Variants in PLEKHA5 observed in about 807,000 individuals in gnomAD.
PLEKHA5 encodes the protein pleckstrin homology domain containing A5, also known as pleckstrin homology domain-containing family A member 5.
In PLEKHA5, 55 loss-of-function variants were observed where a neutral mutation model predicts 181.9. The ratio of observed to expected loss-of-function variants is 0.30; its 90% CI spans 0.24 to 0.38. The LOEUF is 0.38. Among genes scored for constraint, PLEKHA5 ranks in the 10% least tolerant of loss-of-function variants. The pLI is 1.00. For synonymous variants in PLEKHA5, 535 were observed against 529.4 expected, an observed-to-expected ratio of 1.01 and a Z score of -0.15; for missense variants, 1,432 against 1,549.5, an observed-to-expected ratio of 0.92 and a Z score of 1.27.
intron 3 of PLEKHA5, among the ~76,000 whole-genome samples, chr12:19,232,702 C>G (rs2060817512): frequency 2.0e-5 from 3 of 152,132 alleles, no homozygotes; most frequent in African/African-American, 7.2e-5. Context: ...TCATTCAACT[C>G]TTCCAGTTAC....
intron 5 of PLEKHA5, 62 bp downstream of exon 5, chr12:19,255,227 C>T (rs1381226682): frequency 3.1e-6 from 3 of 959,836 alleles, no homozygotes; most frequent in Admixed American, 5.5e-5. Flanking sequence ...TACCGTTACT[C>T]ATAATGGACT....
At chr12:19,138,816 G>C (rs1490348282) in intron 3 of PLEKHA5, among the ~76,000 whole-genome samples, 1 of 152,118 alleles carries the variant, frequency 6.6e-6, no homozygotes, top group Non-Finnish European at 1.5e-5. Flanking sequence ...GTTAGTGATG[G>C]TTCTGTAGAA....
intron 3 of PLEKHA5, among the ~76,000 whole-genome samples, chr12:19,241,473 T>C (rs1162391625): frequency 6.6e-6 from 1 of 152,120 alleles, no homozygotes; most frequent in Non-Finnish European, 1.5e-5. Flanking sequence ...ATTGTAAAAA[T>C]AGCTGGGTGT....
chr12:19,258,562 T>TTG (rs1555132389), intron 6 of PLEKHA5, among the ~76,000 whole-genome samples: 141 of 22,706 alleles, frequency 6.2e-3, no homozygotes, highest in Middle Eastern at 0.026. Flanking sequence ...TTTCTTTTTC[T>TTG]TTTTTTTTTT....
At chr12:19,306,554 A>G (rs1234740702) in intron 15 of PLEKHA5, 2 of 761,322 alleles carry the variant, frequency 2.6e-6, no homozygotes, top group Non-Finnish European at 4.9e-6. Context: ...CGTGAGCAAC[A>G]CTACCATCGT....
intron 21 of PLEKHA5, among the ~76,000 whole-genome samples, chr12:19,342,236 T>G (rs1019504576): frequency 6.6e-6 from 1 of 152,214 alleles, no homozygotes; most frequent in Non-Finnish European, 1.5e-5. Context: ...TCCAGAATGG[T>G]GTTATTATTA....
At chr12:19,306,445 T>C in intron 15 of PLEKHA5, 1 of 602,930 alleles carries the variant, frequency 1.7e-6, no homozygotes. Flanking sequence ...GCAGAGGCTG[T>C]AGCATCGGAT....
rs562549757 is a variant in PLEKHA5, at chr12:19,359,956, G to A, written c.3483+410G>A. Among the ~76,000 whole-genome samples, 24 of 151,366 alleles carry A rather than the reference G, an allele frequency of 1.6e-4. No homozygotes were observed. In the South Asian group the frequency reaches 4.8e-3, roughly 30 times the overall value. ...ACTCCAGCCTGGGCGACAGAGGGAG[G>A]GAGACTCCATCTCAAAAAAAAAAAG... On this transcript the variant is annotated intron_variant, in intron 28 of 31. Coordinates refer to ENST00000429027, the MANE Select transcript of PLEKHA5 (RefSeq NM_001256470.2).
intron 27 of PLEKHA5, among the ~76,000 whole-genome samples, chr12:19,358,706 A>G (rs1006949513): frequency 6.6e-6 from 1 of 152,182 alleles, no homozygotes; most frequent in African/African-American, 2.4e-5. Context: ...ACAGCTGCCC[A>G]GACTCCTTAG....
At chr12:19,258,171 A>G (rs2067357432) in intron 6 of PLEKHA5, among the ~76,000 whole-genome samples, 1 of 152,036 alleles carries the variant, frequency 6.6e-6, no homozygotes, top group Non-Finnish European at 1.5e-5. Context: ...TTGGAACCTT[A>G]TTAGTTTTGC....
chr12:19,143,197 C>G (rs370747584), intron 3 of PLEKHA5, among the ~76,000 whole-genome samples: 1 of 152,170 alleles, frequency 6.6e-6, no homozygotes, highest in African/African-American at 2.4e-5. Flanking sequence ...CTTGAGGAAC[C>G]TCCATACTGT....
chr12:19,324,769 T>C, intron 20 of PLEKHA5, among the ~76,000 whole-genome samples: 1 of 152,214 alleles, frequency 6.6e-6, no homozygotes, highest in East Asian at 1.9e-4. Context: ...GAAATAGAAC[T>C]AACAGCCTGA....
At chr12:19,369,265 C>T (rs1256848185) in intron 30 of PLEKHA5, among the ~76,000 whole-genome samples, 1 of 151,728 alleles carries the variant, frequency 6.6e-6, no homozygotes, top group Admixed American at 6.6e-5. Flanking sequence ...GAACTCCTGA[C>T]CTCAAATGAT....
At chr12:19,236,854 G>C (rs1055098441) in intron 3 of PLEKHA5, 8 of 152,150 alleles carry the variant, frequency 5.3e-5, no homozygotes, top group African/African-American at 1.9e-4. Flanking sequence ...CGTCAGTCTG[G>C]TGTCAGACTT....
In PLEKHA5 at chr12:19,322,329, G is replaced by A; in HGVS notation, c.2237G>A (p.Cys746Tyr). 1 of 1,613,158 alleles carries A rather than the reference G, an allele frequency of 6.2e-7. No individual in the cohort carries two copies. Among genetic ancestry groups the A allele is most frequent in the Non-Finnish European group, 8.5e-7 (1 of 1,179,264 alleles). Residue 746 changes from cysteine (C) to tyrosine (Y), a missense_variant, in exon 19 of 32, where the codon TGT (cysteine) becomes TAT (tyrosine). By Grantham distance (194) the Cys-to-Tyr change is radical. This residue lies in a region of PLEKHA5 where 1,143 missense variants were observed against 1,168.4 expected (regional missense o/e 0.98). Coordinates refer to ENST00000429027, the MANE Select transcript of PLEKHA5 (RefSeq NM_001256470.2). ...ACCTAGGCCAAGTTAAGCCGATTAT[G>A]TGAACAAGATAAAGTGGTGCATGCT... ...VDIDAKLSRL[C>Y]EQDKVVHALE...
chr12:19,311,279 A>T (rs957943236), intron 15 of PLEKHA5, among the ~76,000 whole-genome samples: 13 of 150,822 alleles, frequency 8.6e-5, no homozygotes, highest in African/African-American at 1.5e-4. Flanking sequence ...AAAAAAAAAA[A>T]TTTTTAATCA....
chr12:19,271,360 C>G (rs1475623589), intron 10 of PLEKHA5, among the ~76,000 whole-genome samples: 1 of 152,048 alleles, frequency 6.6e-6, no homozygotes, highest in Non-Finnish European at 1.5e-5. Flanking sequence ...CAAAAATTAG[C>G]TGGGCGTAGT....
At chr12:19,275,127 G>C in intron 11 of PLEKHA5, 144 bp downstream of exon 11, 1 of 623,472 alleles carries the variant, frequency 1.6e-6, no homozygotes. Flanking sequence ...TGTTTATAAT[G>C]ATCAGATATA....
chr12:19,194,182 G>C (rs772830521), intron 3 of PLEKHA5, among the ~76,000 whole-genome samples: 18 of 152,214 alleles, frequency 1.2e-4, no homozygotes, highest in Non-Finnish European at 2.6e-4. Flanking sequence ...CCACTTATAA[G>C]TGAGAGCTGC....
Sources: allele counts gnomAD v4.1 joint callset (sites outside exome capture counted in the v4.1 genomes callset), GRCh38; gene constraint gnomAD v4.1.1; regional missense constraint gnomAD v4.1.1; transcripts MANE v1.5; gene names NCBI Gene and HGNC (gene_info 2026-07-23, HGNC 2026-07-21).